Variants in DPH6 observed in about 807,000 individuals in gnomAD.
DPH6 encodes diphthamine biosynthesis 6.
A neutral mutation model predicts 38.2 loss-of-function variants in DPH6; 33 were observed. That is an observed-to-expected ratio of 0.86 (90% CI 0.65 to 1.15). The LOEUF (loss-of-function observed/expected upper bound fraction) is 1.15. Ranked by LOEUF, DPH6 falls within the 50% of genes most tolerant of loss-of-function variation. The probability of loss-of-function intolerance (pLI) is 0.00; values close to 1 mark genes in which losing one functional copy is unlikely to be tolerated. For synonymous variants in DPH6, 108 were observed against 103.0 expected, an observed-to-expected ratio of 1.05 and a Z score of -0.30; for missense variants, 325 against 320.0, an observed-to-expected ratio of 1.02 and a Z score of -0.12.
intron 1 of DPH6, 89 bp from the exon 2 acceptor site, chr15:35,542,596 T>C: frequency 1.6e-6 from 2 of 1,213,960 alleles, no homozygotes; most frequent in Non-Finnish European, 2.4e-6. Context: ...GAACATATCA[T>C]TTACTTGACT....
chr15:35,259,916 C>G lies in DPH6; in HGVS notation n.201-39334G>C, dbSNP rs2140416851. ...CATAAATGATACCAAGAAGTGAAAG[C>G]AAGTCAAATGGTAGCCAGGGAGGAG... On this transcript the variant is annotated intron_variant and non_coding_transcript_variant, in intron 3 of 3. Transcript: ENST00000560386. Among the ~76,000 whole-genome samples the G allele has an allele frequency of 1.3e-5, 2 of 152,226 alleles. 1 individual carries two copies. Among genetic ancestry groups the G allele is most frequent in the South Asian group, 4.2e-4 (2 of 4,818 alleles).
At chr15:35,175,968 T>G in the DPH6 span, among the ~76,000 whole-genome samples, 1 of 152,324 alleles carries the variant, frequency 6.6e-6, no homozygotes, top group East Asian at 1.9e-4. Flanking sequence ...AGAAAAACTT[T>G]CAGACATGTT....
intron 6 of DPH6, chr15:35,400,741 A>T: frequency 1.4e-6 from 1 of 737,678 alleles, no homozygotes; most frequent in African/African-American, 1.7e-5. Context: ...GGAAGCTCTT[A>T]TTGGAGGGTT....
At chr15:35,450,627 G>C in intron 5 of DPH6, 58 bp downstream of exon 5, 2 of 1,340,176 alleles carry the variant, frequency 1.5e-6, no homozygotes, top group Non-Finnish European at 2.1e-6. Flanking sequence ...CTACTTATTA[G>C]TGAACTGAGA....
At chr15:35,529,590 T>C (rs1293638593) in intron 3 of DPH6, among the ~76,000 whole-genome samples, 1 of 152,216 alleles carries the variant, frequency 6.6e-6, no homozygotes, top group African/African-American at 2.4e-5. Flanking sequence ...TTTAGTTGCA[T>C]GCTCTAATGG....
intron 5 of DPH6, among the ~76,000 whole-genome samples, chr15:35,449,313 A>C (rs2053899145): frequency 6.6e-6 from 1 of 152,122 alleles, no homozygotes; most frequent in Admixed American, 6.5e-5. Flanking sequence ...GGCTTGATAA[A>C]GCTAATTCCC....
At position 35,481,435 on chromosome 15, in the gene DPH6, T is replaced by C. The variant is rs979650718; in HGVS notation, c.313-26615A>G. Among the ~76,000 whole-genome samples, 11 of 152,134 alleles carry C rather than the reference T, an allele frequency of 7.2e-5. No individual in the cohort carries two copies. The East Asian group carries it at 1.7e-3, about 24-fold the overall frequency. Reference sequence around the variant, plus strand: ...AAGACTTGAAAGACATATTAACCAATTGCAATACATGAAACTTCTTTGGAT... The same window carrying C: ...AAGACTTGAAAGACATATTAACCAACTGCAATACATGAAACTTCTTTGGAT... On this transcript the variant is annotated intron_variant, in intron 3 of 8. Transcript: ENST00000256538.
intron 3 of DPH6, among the ~76,000 whole-genome samples, chr15:35,506,315 A>G (rs941733382): frequency 2.0e-5 from 3 of 152,168 alleles, no homozygotes; most frequent in Non-Finnish European, 2.9e-5. Flanking sequence ...TGCATTAACA[A>G]GAGGGCAGTA....
At chr15:35,380,307 A>C (rs1012266579) in intron 7 of DPH6, among the ~76,000 whole-genome samples, 3 of 152,222 alleles carry the variant, frequency 2.0e-5, no homozygotes, top group African/African-American at 4.8e-5. Context: ...AATTCCCTTC[A>C]TGCCACTGTC....
chr15:35,468,884 A>G lies in DPH6; in HGVS notation c.313-14064T>C, dbSNP rs188557612. 3.9e-5 allele frequency among the ~76,000 whole-genome samples: 6 copies of G among 152,292 alleles called. No individual in the cohort carries two copies. In the East Asian group the frequency reaches 5.8e-4, roughly 15 times the overall value. ...GGAGTTCAAGACAAACCTGGCCAAC[A>G]TGGTGAAACCCTGTCTCTACTAAAA... On this transcript the variant is annotated intron_variant, in intron 3 of 8. Coordinates refer to ENST00000256538, the MANE Select transcript of DPH6 (RefSeq NM_080650.4).
chr15:35,213,930 G>T (rs1303075402), downstream of DPH6, among the ~76,000 whole-genome samples: 1 of 152,164 alleles, frequency 6.6e-6, no homozygotes, highest in Non-Finnish European at 1.5e-5. Context: ...GGCTAACACG[G>T]TGAAACCCCG....
chr15:35,285,155 G>A (rs570177734), intron 3 of DPH6, among the ~76,000 whole-genome samples: 2 of 151,922 alleles, frequency 1.3e-5, no homozygotes, highest in Admixed American at 1.3e-4. Flanking sequence ...CTCCCTGGTC[G>A]GGATAAAAAA....
chr15:35,541,108 T>G lies in DPH6; in HGVS notation c.118+1305A>C, dbSNP rs543497159. Among the ~76,000 whole-genome samples the G allele has an allele frequency of 2.4e-4, 36 of 152,214 alleles. No homozygotes were observed. The East Asian group carries it at 5.2e-3, about 22-fold the overall frequency. Reference sequence around the variant, plus strand: ...AAAAAACATCACTTCTAAAAAACCATCTGTTACTCATCAATTGCAGCACAA... The same window carrying G: ...AAAAAACATCACTTCTAAAAAACCAGCTGTTACTCATCAATTGCAGCACAA... On this transcript the variant is annotated intron_variant, in intron 2 of 8. Coordinates refer to ENST00000256538, the MANE Select transcript of DPH6 (RefSeq NM_080650.4).
At chr15:35,283,559 T>C (rs568512452) in intron 3 of DPH6, among the ~76,000 whole-genome samples, 1 of 151,888 alleles carries the variant, frequency 6.6e-6, no homozygotes, top group Non-Finnish European at 1.5e-5. Context: ...CCTCCCAAAG[T>C]GCTGGGACCA....
intron 1 of DPH6, among the ~76,000 whole-genome samples, chr15:35,544,583 A>G (rs933816709): frequency 2.6e-5 from 4 of 152,206 alleles, no homozygotes; most frequent in Non-Finnish European, 5.9e-5. Flanking sequence ...CTTATAATAC[A>G]TAATTATATA....
At chr15:35,366,075 G>T, downstream of DPH6, 1 of 955,318 alleles carries the variant, frequency 1.0e-6, no homozygotes, top group Non-Finnish European at 1.2e-6. Flanking sequence ...TGTCCTATTT[G>T]TAAGGAAATA....
intron 5 of DPH6, among the ~76,000 whole-genome samples, chr15:35,436,494 C>CAAACAAAA (rs1566909220): frequency 2.2e-4 from 2 of 9,138 alleles, no homozygotes; most frequent in African/African-American, 4.8e-4. Flanking sequence ...CAAAACAAAA[C>CAAACAAAA]AAAACAAAAC....
chr15:35,269,790 CTTTTTTT>C (rs1198000526), intron 3 of DPH6, among the ~76,000 whole-genome samples: 1 of 108,548 alleles, frequency 9.2e-6, no homozygotes, highest in African/African-American at 3.5e-5. Flanking sequence ...GGGTGTGTTT[CTTTTTTT>C]TTTTTTTTTT....
intron 3 of DPH6, among the ~76,000 whole-genome samples, chr15:35,537,432 A>C (rs988423268): frequency 1.3e-5 from 2 of 152,188 alleles, no homozygotes; most frequent in African/African-American, 4.8e-5. Context: ...ATAAAAATTC[A>C]TACTTAGAAG....
Sources: gnomAD v4.1 joint callset for allele counts (sites outside exome capture counted in the v4.1 genomes callset) on GRCh38, gnomAD v4.1.1 for gene constraint, MANE v1.5 for transcripts, NCBI Gene and HGNC (gene_info 2026-07-23, HGNC 2026-07-21) for gene names.